The following MALRD1 variants were observed in gnomAD, a reference collection of about 807,000 sequenced individuals.
MALRD1 encodes MAM and LDL receptor class A domain containing 1, also known as MAM and LDL-receptor class A domain-containing protein 1.
MALRD1 carries 247 observed loss-of-function variants against 242.1 expected under a neutral mutation model. That is an observed-to-expected ratio of 1.02 (90% CI 0.92 to 1.13). The LOEUF (loss-of-function observed/expected upper bound fraction) is 1.13, where lower values mean the gene tolerates loss of function less well. Among genes scored for constraint, MALRD1 ranks in the 50% most tolerant of loss-of-function variants. The pLI is 0.00. For missense variants in MALRD1, 2,989 were observed against 2,533.1 expected (o/e 1.18, Z -3.86); for synonymous variants, 995 against 866.6 (o/e 1.15, Z -2.60).
At chr10:19,240,323 T>G (rs1203065314) in intron 18 of MALRD1, among the ~76,000 whole-genome samples, 1 of 152,122 alleles carries the variant, frequency 6.6e-6, no homozygotes, top group Non-Finnish European at 1.5e-5. Flanking sequence ...GAATTTTCTG[T>G]GTTGATTTTG....
At chr10:19,430,918 C>A (rs180999551) in intron 28 of MALRD1, among the ~76,000 whole-genome samples, 1 of 152,026 alleles carries the variant, frequency 6.6e-6, no homozygotes, top group Non-Finnish European at 1.5e-5. Context: ...AGACTTGATG[C>A]GCCATATATG....
chr10:19,427,952 G>C (rs1040104910), intron 28 of MALRD1, among the ~76,000 whole-genome samples: 1 of 152,078 alleles, frequency 6.6e-6, no homozygotes, highest in African/African-American at 2.4e-5. Context: ...GTATACACAT[G>C]AGTGCAGCCT....
chr10:19,070,269 C>G (rs1030743611), intron 2 of MALRD1, among the ~76,000 whole-genome samples: 2 of 152,112 alleles, frequency 1.3e-5, no homozygotes, highest in African/African-American at 4.8e-5. Context: ...ATAGCTTAGC[C>G]TAGCCTACCT....
intron 38 of MALRD1, among the ~76,000 whole-genome samples, chr10:19,719,163 T>C (rs1834571814): frequency 1.1e-5 from 1 of 91,630 alleles, no homozygotes; most frequent in Admixed American, 1.2e-4. Flanking sequence ...ATTATATATA[T>C]ATATATACAT....
intron 20 of MALRD1, among the ~76,000 whole-genome samples, 173 bp downstream of exon 20, chr10:19,280,396 A>AT (rs1462020203): frequency 2.0e-5 from 3 of 152,154 alleles, no homozygotes; most frequent in Admixed American, 6.6e-5. Context: ...ATCAGAATGC[A>AT]TTTTCTGCCA....
chr10:19,403,055 G>A (rs78298445), intron 28 of MALRD1, among the ~76,000 whole-genome samples: 1,573 of 152,118 alleles, frequency 0.01, 27 homozygotes, highest in African/African-American at 0.036. Context: ...TATAAACAAG[G>A]AGAAAAATAT....
chr10:19,503,179 T>A (rs1259867251), intron 31 of MALRD1, among the ~76,000 whole-genome samples: 5 of 152,224 alleles, frequency 3.3e-5, no homozygotes. Context: ...GATACACTAA[T>A]ACGGCTGAGT....
At chr10:19,654,792 C>T (rs1589364832) in intron 36 of MALRD1, among the ~76,000 whole-genome samples, 1 of 152,014 alleles carries the variant, frequency 6.6e-6, no homozygotes, top group Admixed American at 6.6e-5. Context: ...GAAGTGGCTA[C>T]CAAGAGAATT....
At chr10:19,158,763 G>A (rs59497774) in intron 12 of MALRD1, among the ~76,000 whole-genome samples, 5,996 of 152,256 alleles carry the variant, frequency 0.039, 376 homozygotes, top group African/African-American at 0.14. Flanking sequence ...CAGCAATTCA[G>A]TGTAAAATGC....
chr10:19,076,463 A>G (rs1835321712), intron 2 of MALRD1, among the ~76,000 whole-genome samples: 2 of 151,918 alleles, frequency 1.3e-5, no homozygotes, highest in African/African-American at 4.8e-5. Flanking sequence ...TCTTTAATCC[A>G]TCTTTAGTTA....
intron 24 of MALRD1, among the ~76,000 whole-genome samples, chr10:19,342,423 CA>C (rs1843927447): frequency 6.6e-6 from 1 of 151,986 alleles, no homozygotes; most frequent in African/African-American, 2.4e-5. Context: ...GGCCCTAGAG[CA>C]AAAACAAAGA....
At chr10:19,698,274 A>C (rs1003419618) in intron 38 of MALRD1, among the ~76,000 whole-genome samples, 2 of 152,188 alleles carry the variant, frequency 1.3e-5, no homozygotes, top group African/African-American at 4.8e-5. Flanking sequence ...ACACATCAGA[A>C]CTCTAATAGT....
chr10:19,095,111 A>T (rs145753506), intron 4 of MALRD1, among the ~76,000 whole-genome samples: 13 of 152,180 alleles, frequency 8.5e-5, no homozygotes, highest in African/African-American at 2.7e-4. Context: ...CATTTGTTAT[A>T]TGGTAGATTT....
chr10:19,182,022 AT>A (rs949724886), intron 14 of MALRD1, among the ~76,000 whole-genome samples: 1 of 151,742 alleles, frequency 6.6e-6, no homozygotes, highest in African/African-American at 2.4e-5. Context: ...CTCAGCAGCA[AT>A]TTTTTTTATT....
chr10:19,144,175 A>T (rs184167647), intron 10 of MALRD1, among the ~76,000 whole-genome samples: 8 of 152,126 alleles, frequency 5.3e-5, no homozygotes, highest in African/African-American at 1.9e-4. Context: ...AGAGGGAAAA[A>T]TAATATTCAT....
intron 21 of MALRD1, among the ~76,000 whole-genome samples, chr10:19,297,586 A>G (rs188838043): frequency 3.3e-5 from 5 of 152,056 alleles, no homozygotes; most frequent in Admixed American, 3.3e-4. Context: ...TCATAAATGT[A>G]TAAACTATAT....
chr10:19,102,555 A>G (rs1388415583), intron 4 of MALRD1, among the ~76,000 whole-genome samples: 6 of 152,174 alleles, frequency 3.9e-5, no homozygotes, highest in Non-Finnish European at 7.4e-5. Context: ...ATCCAGATCA[A>G]TTGTAAACCT....
At chr10:19,137,602 C>A (rs1454210366) in intron 10 of MALRD1, among the ~76,000 whole-genome samples, 11 of 134,766 alleles carry the variant, frequency 8.2e-5, no homozygotes, top group Non-Finnish European at 1.6e-4. Flanking sequence ...CGTGAGACTC[C>A]GTCTGAAAAA....
chr10:19,187,108 A>G (rs1247800336), intron 14 of MALRD1, among the ~76,000 whole-genome samples: 1 of 152,220 alleles, frequency 6.6e-6, no homozygotes, highest in Non-Finnish European at 1.5e-5. Context: ...TCACATGCTT[A>G]CTTTTAAGCA....
Sources: gnomAD v4.1 joint callset for allele counts (sites outside exome capture counted in the v4.1 genomes callset) on GRCh38, gnomAD v4.1.1 for gene constraint, MANE v1.5 for transcripts, NCBI Gene and HGNC (gene_info 2026-07-23, HGNC 2026-07-21) for gene names.